The following ATRX variants were observed in gnomAD, a reference collection of about 807,000 sequenced individuals.
ATRX encodes the protein ATRX chromatin remodeler, also known as chromatin remodeler ATRX.
A neutral mutation model predicts 172.6 loss-of-function variants in ATRX; 12 were observed. The observed-to-expected ratio is 0.07, with a 90% CI of 0.04 to 0.11. The LOEUF (loss-of-function observed/expected upper bound fraction) is 0.11. Among genes scored for constraint, ATRX ranks in the 10% least tolerant of loss-of-function variants. ATRX has a pLI of 1.00. For missense variants in ATRX, 1,368 were observed against 1,767.4 expected (o/e 0.77, Z 4.05); for synonymous variants, 674 against 594.7 (o/e 1.13, Z -1.94).
chrX:77,663,525 G>A lies in ATRX; in HGVS notation c.3977C>T (p.Ser1326Leu), dbSNP rs1557124204. ...AKNQVNSESDSDSEESKKPRY... is the reference protein window; with the variant it reads ...AKNQVNSESDLDSEESKKPRY... Reference sequence around the variant, plus strand: ...TGGCTTCTTAGATTCTTCAGAATCTGAATCTGATTCAGAATTGACTTGATT... The same window carrying A: ...TGGCTTCTTAGATTCTTCAGAATCTAAATCTGATTCAGAATTGACTTGATT... The change falls in exon 12 of 35, where the codon TCA becomes TTA. Residue 1326 changes from serine (S) to leucine (L), a missense_variant. This residue lies in a region of ATRX where 119 missense variants were observed against 131.3 expected (regional missense o/e 0.91). Transcript: ENST00000373344. 1.7e-6 allele frequency: 2 copies of A among 1,207,883 alleles called. No individual in the cohort carries two copies. The highest frequency in any genetic ancestry group is 2.2e-5 in the Admixed American group (1 of 45,613).
chrX:77,534,083 T>G (rs2147816818), intron 30 of ATRX, among the ~76,000 whole-genome samples: 1 of 112,227 alleles, frequency 8.9e-6, no homozygotes, highest in East Asian at 2.8e-4. Context: ...AGACTAAAGA[T>G]AAGCATGCTT....
At position 77,683,151 on chromosome X, in the gene ATRX, T is replaced by C. The variant is rs782409603; in HGVS notation, c.2105A>G (p.Asn702Ser). 65 of 1,208,778 alleles carry C rather than the reference T, an allele frequency of 5.4e-5. No homozygotes were observed. Among genetic ancestry groups the C allele is most frequent in the Non-Finnish European group, 7.3e-5 (65 of 894,384 alleles). The change falls in exon 9 of 35, where the codon AAT becomes AGT. Residue 702 changes from asparagine (N) to serine (S), a missense_variant. Physicochemically the swap from Asn to Ser is conservative, Grantham distance 46 (BLOSUM62 1). Coordinates refer to ENST00000373344, the MANE Select transcript of ATRX (RefSeq NM_000489.6). ...SVPVRKKDKR[N>S]SSDSAIDNPK... ...ATTATCTATAGCACTGTCAGAAGAA[T>C]TACGCTTATCCTTTTTTCTCACTGG...
rs1169195061 is a variant in ATRX at position 77,621,866 on chromosome X, C to CA, written c.5135-1335dup. Among the ~76,000 whole-genome samples, 331 of 107,820 alleles carry CA rather than the reference C, an allele frequency of 3.1e-3. 2 individuals carry two copies. Among genetic ancestry groups the CA allele is most frequent in the African/African-American group, 0.01 (303 of 28,916 alleles). 93.6% of individuals were successfully genotyped at this position (107,820 alleles called of 115,157 possible). ...TAAAAAAAAACAACAACAACAACAA[C>CA]AAAAAAAAACTAATATTTTGTAAAA... On this transcript the variant is annotated intron_variant, in intron 19 of 34. Coordinates refer to ENST00000373344, the MANE Select transcript of ATRX (RefSeq NM_000489.6).
At chrX:77,705,040 G>A (rs1375845450) in intron 2 of ATRX, among the ~76,000 whole-genome samples, 1 of 110,788 alleles carries the variant, frequency 9.0e-6, no homozygotes, top group Non-Finnish European at 1.9e-5. Flanking sequence ...CATAAAGCAG[G>A]AGGACCAGAT....
chrX:77,696,538 A>G, intron 5 of ATRX, 39 bp downstream of exon 5: 1 of 1,187,680 alleles, frequency 8.4e-7, no homozygotes, highest in East Asian at 3.0e-5. Flanking sequence ...TTAAAAATTC[A>G]TTTCAACTTT....
At chrX:77,764,612 G>A (rs1045522769) in intron 1 of ATRX, among the ~76,000 whole-genome samples, 3 of 112,317 alleles carry the variant, frequency 2.7e-5, no homozygotes, top group Non-Finnish European at 5.6e-5. Flanking sequence ...TGTAGAAGGA[G>A]TAGAGAAAGA....
At chrX:77,557,338 A>C in intron 30 of ATRX, 113 bp downstream of exon 30, 2 of 716,980 alleles carry the variant, frequency 2.8e-6, no homozygotes, top group Non-Finnish European at 2.1e-6. Context: ...TCATTTTATT[A>C]TCCTTGAAAA....
intron 1 of ATRX, among the ~76,000 whole-genome samples, chrX:77,741,611 G>A (rs974676440): frequency 1.4e-4 from 15 of 110,409 alleles, no homozygotes; most frequent in South Asian, 7.6e-4. Flanking sequence ...ACAGGTGCGC[G>A]CCACCATGCC....
At chrX:77,752,074 C>T in intron 1 of ATRX, among the ~76,000 whole-genome samples, 1 of 111,576 alleles carries the variant, frequency 9.0e-6, no homozygotes, top group Non-Finnish European at 1.9e-5. Context: ...TTACTTTGGG[C>T]AGTATGGCCA....
chrX:77,628,389 G>C (rs1283121453), intron 19 of ATRX, among the ~76,000 whole-genome samples: 1 of 112,384 alleles, frequency 8.9e-6, no homozygotes, highest in African/African-American at 3.2e-5. Flanking sequence ...AAAACAAATG[G>C]TAAGTTAGGG....
At chrX:77,651,711 T>C (rs1557116943) in intron 15 of ATRX, among the ~76,000 whole-genome samples, 4 of 109,681 alleles carry the variant, frequency 3.6e-5, no homozygotes, top group Admixed American at 1.9e-4. Flanking sequence ...ATACAAAAAT[T>C]AGCTGGGTGT....
Position 77,656,593 on chromosome X carries a change from C to T in ATRX, c.4181G>A (p.Ser1394Asn). 8.3e-7 allele frequency: 1 copy of T among 1,208,835 alleles called. No individual in the cohort carries two copies. The highest frequency in any genetic ancestry group is 1.1e-6 in the Non-Finnish European group (1 of 894,015). Residue 1394 changes from serine to asparagine, a missense_variant, in exon 13 of 35, where the codon AGT (serine) becomes AAT (asparagine). Ser to Asn is a conservative substitution (Grantham distance 46). Around this residue, in one of 17 missense-constraint regions of ATRX, gnomAD observed 119 missense variants for 131.3 expected, o/e 0.91. Coordinates refer to ENST00000373344, the MANE Select transcript of ATRX (RefSeq NM_000489.6). ...FQESGVSEEVSESEDEQRPRT... is the reference protein window; with the variant it reads ...FQESGVSEEVNESEDEQRPRT... ...GGGCCGCTGTTCATCTTCGGATTCA[C>T]TAACTTCTTCACTAACTCCTGATTC...
At chrX:77,610,925 T>A (rs1327909898) in intron 22 of ATRX, among the ~76,000 whole-genome samples, 1 of 107,554 alleles carries the variant, frequency 9.3e-6, no homozygotes, top group African/African-American at 3.4e-5. Context: ...ATAATATAAT[T>A]CCAGCCATTA....
At chrX:77,676,898 G>C (rs1286553625) in intron 9 of ATRX, among the ~76,000 whole-genome samples, 4 of 111,992 alleles carry the variant, frequency 3.6e-5, no homozygotes, top group Non-Finnish European at 5.6e-5. Flanking sequence ...AAGGCAAGCG[G>C]ATCACCTGAG....
Position 77,600,555 on chromosome X carries a change from T to G in ATRX, c.5576A>C (p.Asn1859Thr). The change falls in exon 23 of 35, where the codon AAT becomes ACT. Residue 1859 changes from asparagine (N) to threonine (T), a missense_variant. Transcript: ENST00000373344. ...YYLDHLTGVG[N>T]NSEGGRGKAG... Reference sequence around the variant, plus strand: ...CTTTCCTCTTCCACCTTCACTATTATTGCCCACACCTGATCAAAAGAAATA... The same window carrying G: ...CTTTCCTCTTCCACCTTCACTATTAGTGCCCACACCTGATCAAAAGAAATA... The G allele has an allele frequency of 1.7e-6, 2 of 1,210,625 alleles. No individual in the cohort carries two copies. The highest frequency in any genetic ancestry group is 2.2e-6 in the Non-Finnish European group (2 of 894,687).
At chrX:77,654,506 A>T (rs2069441268) in intron 13 of ATRX, among the ~76,000 whole-genome samples, 1 of 111,579 alleles carries the variant, frequency 9.0e-6, no homozygotes, top group African/African-American at 3.3e-5. Flanking sequence ...AACATTCATC[A>T]TCACTAAAAA....
chrX:77,619,902 A>C (rs1488990490), intron 20 of ATRX, among the ~76,000 whole-genome samples: 2 of 111,848 alleles, frequency 1.8e-5, no homozygotes, highest in East Asian at 5.6e-4. Context: ...AGGGTAATTC[A>C]CAAGTCATTT....
At chrX:77,528,544 G>A (rs1291289881) in intron 30 of ATRX, among the ~76,000 whole-genome samples, 4 of 103,366 alleles carry the variant, frequency 3.9e-5, no homozygotes, top group Non-Finnish European at 7.9e-5. Context: ...GCTAACCACA[G>A]GAGCCCTACA....
chrX:77,772,467 C>CA (rs782408268), intron 1 of ATRX, among the ~76,000 whole-genome samples: 2,090 of 39,559 alleles, frequency 0.053, 55 homozygotes, highest in Non-Finnish European at 0.074. Flanking sequence ...TCCCTTCTCT[C>CA]AAAAAAAAAA....
Sources: gnomAD v4.1 joint callset for allele counts (sites outside exome capture counted in the v4.1 genomes callset) on GRCh38, gnomAD v4.1.1 for gene constraint, gnomAD v4.1.1 regional missense constraint, MANE v1.5 for transcripts, NCBI Gene and HGNC (gene_info 2026-07-23, HGNC 2026-07-21) for gene names.